DCAF6: variants seen among roughly 807,000 people sequenced by gnomAD.
DCAF6 encodes DDB1 and CUL4 associated factor 6.
A neutral mutation model predicts 125.1 loss-of-function variants in DCAF6; 54 were observed. That is an observed-to-expected ratio of 0.43 (90% CI 0.35 to 0.54). The LOEUF (loss-of-function observed/expected upper bound fraction) is 0.54, where lower values mean the gene tolerates loss of function less well. Among genes scored for constraint, DCAF6 ranks in the 20% least tolerant of loss-of-function variants. The pLI is 0.01. For synonymous variants in DCAF6, 371 were observed against 390.4 expected, an observed-to-expected ratio of 0.95 and a Z score of 0.58; for missense variants, 934 against 1,161.7, an observed-to-expected ratio of 0.80 and a Z score of 2.85.
At chr1:168,015,534 A>T (rs184696310) in intron 10 of DCAF6, among the ~76,000 whole-genome samples, 1 of 152,058 alleles carries the variant, frequency 6.6e-6, no homozygotes, top group Non-Finnish European at 1.5e-5. Flanking sequence ...ATTTGGTTTA[A>T]TTACTTAAAT....
intron 16 of DCAF6, among the ~76,000 whole-genome samples, chr1:168,049,646 ATT>A (rs756012977): frequency 3.2e-3 from 285 of 90,242 alleles, no homozygotes; most frequent in African/African-American, 0.015. Context: ...TCTGCATATA[ATT>A]TTTTTTTTTT....
At chr1:168,007,419 G>C (rs1557967017) in intron 10 of DCAF6, among the ~76,000 whole-genome samples, 1 of 152,110 alleles carries the variant, frequency 6.6e-6, no homozygotes, top group Non-Finnish European at 1.5e-5. Context: ...ATCCTCAGAA[G>C]AGTTGTTGAT....
chr1:167,901,848 G>A, the DCAF6 span: 4 of 1,614,016 alleles, frequency 2.5e-6, no homozygotes, highest in Middle Eastern at 1.6e-4. Flanking sequence ...CTGCCCTGGG[G>A]ATCAATCTAT....
chr1:167,974,900 A>G lies in DCAF6; in HGVS notation c.323A>G (p.Asp108Gly). ...FSAKFLPCTN[D>G]KQIVSCSGDG... ...GCAAAGTTCTTACCTTGTACAAATG[A>G]TAAACAGATTGTATCCTGCTCTGGA... is the stretch of plus-strand genomic sequence containing the variant. Residue 108 changes from aspartate to glycine, a missense_variant, in exon 4 of 22, where the codon GAT (aspartate) becomes GGT (glycine). This residue lies in a region of DCAF6 where 309 missense variants were observed against 381.2 expected (regional missense o/e 0.81). Coordinates refer to ENST00000367840, the MANE Select transcript of DCAF6 (RefSeq NM_001198956.2). 1 of 1,608,142 alleles carries G rather than the reference A, an allele frequency of 6.2e-7. No homozygotes were observed. The highest frequency in any genetic ancestry group is 8.5e-7 in the Non-Finnish European group (1 of 1,177,238).
the DCAF6 span, among the ~76,000 whole-genome samples, chr1:167,891,438 C>T: frequency 4.2e-4 from 63 of 151,632 alleles, no homozygotes; most frequent in Middle Eastern, 6.8e-3. Flanking sequence ...GGGAAGATCA[C>T]GAGGTCAGGA....
chr1:167,941,755 A>G (rs549530699), intron 1 of DCAF6, among the ~76,000 whole-genome samples: 75 of 152,370 alleles, frequency 4.9e-4, no homozygotes, highest in African/African-American at 1.4e-3. Context: ...TTTTTTAAAC[A>G]CTGCTGATGG....
intron 11 of DCAF6, among the ~76,000 whole-genome samples, chr1:168,019,309 A>G (rs1259070721): frequency 2.0e-5 from 3 of 152,146 alleles, no homozygotes; most frequent in African/African-American, 7.2e-5. Context: ...CAGCCACCCA[A>G]AGTTCTGGGA....
the DCAF6 span, among the ~76,000 whole-genome samples, chr1:167,901,186 C>G: frequency 6.6e-6 from 1 of 152,074 alleles, no homozygotes; most frequent in South Asian, 2.1e-4. Context: ...CTTTAAGAAG[C>G]CTTGTGTAAA....
the DCAF6 span, chr1:167,903,886 C>G: frequency 6.2e-7 from 1 of 1,605,288 alleles, no homozygotes; most frequent in Admixed American, 1.7e-5. Context: ...GGAACACTTA[C>G]TCTCCACTAT....
chr1:167,872,784 C>T, the DCAF6 span, among the ~76,000 whole-genome samples: 1 of 149,150 alleles, frequency 6.7e-6, no homozygotes. Context: ...GAGAAATATA[C>T]ACATAGGCTG....
At chr1:168,051,941 C>T (rs966912658) in intron 17 of DCAF6, among the ~76,000 whole-genome samples, 21 of 151,164 alleles carry the variant, frequency 1.4e-4, no homozygotes, top group African/African-American at 3.6e-4. Context: ...AGTGCAGTGG[C>T]GCAGTCCCAG....
At chr1:167,878,688 G>C in the DCAF6 span, 78 of 1,547,622 alleles carry the variant, frequency 5.0e-5, no homozygotes, top group South Asian at 8.2e-4. Flanking sequence ...GCATTGAACT[G>C]AATGTAATCT....
the DCAF6 span, among the ~76,000 whole-genome samples, chr1:167,865,861 A>T: frequency 2.1e-3 from 327 of 152,334 alleles, no homozygotes; most frequent in Non-Finnish European, 4.1e-3. Flanking sequence ...CCAGTCCACC[A>T]GGCGTGGGCT....
At chr1:167,907,410 C>A in the DCAF6 span, among the ~76,000 whole-genome samples, 3 of 152,186 alleles carry the variant, frequency 2.0e-5, no homozygotes, top group Admixed American at 6.5e-5. Flanking sequence ...GTATGGGGTT[C>A]TCCTCTGTTT....
chr1:167,958,943 T>C (rs945663014), intron 2 of DCAF6, among the ~76,000 whole-genome samples: 1 of 152,210 alleles, frequency 6.6e-6, no homozygotes, highest in African/African-American at 2.4e-5. Flanking sequence ...AGGCATCTTA[T>C]GAGTTTGGAC....
intron 17 of DCAF6, among the ~76,000 whole-genome samples, chr1:168,062,999 C>A (rs1253986178): frequency 6.6e-6 from 1 of 151,342 alleles, no homozygotes; most frequent in East Asian, 1.9e-4. Flanking sequence ...GCAAGCTCCG[C>A]CTCCCGGGTT....
the DCAF6 span, chr1:167,903,793 T>A: frequency 4.3e-5 from 38 of 890,590 alleles, no homozygotes; most frequent in Admixed American, 6.8e-4. Context: ...GGAGGAGTGC[T>A]AAGCAATTGT....
At chr1:167,917,121 G>A in the DCAF6 span, 1 of 152,054 alleles carries the variant, frequency 6.6e-6, no homozygotes, top group African/African-American at 2.4e-5. Context: ...GGCTTTATTA[G>A]CACTTTTAGA....
chr1:167,901,906 C>T, the DCAF6 span: 55 of 1,609,126 alleles, frequency 3.4e-5, no homozygotes, highest in South Asian at 5.5e-4. Flanking sequence ...ATTCCTCAGC[C>T]TATCTCCTGG....
Sources: gnomAD v4.1 joint callset for allele counts (sites outside exome capture counted in the v4.1 genomes callset) on GRCh38, gnomAD v4.1.1 for gene constraint, gnomAD v4.1.1 regional missense constraint, MANE v1.5 for transcripts, NCBI Gene and HGNC (gene_info 2026-07-23, HGNC 2026-07-21) for gene names.